Variants in CTSZ observed in about 807,000 individuals in gnomAD.
CTSZ encodes cathepsin Z.
In CTSZ, 39 loss-of-function variants were observed where a neutral mutation model predicts 32.4. That is an observed-to-expected ratio of 1.20 (90% CI 0.93 to 1.57). The LOEUF is 1.57. CTSZ is among the 40% of genes most tolerant of loss of function. The pLI is 0.00. For synonymous variants in CTSZ, 168 were observed against 170.1 expected (o/e 0.99, Z 0.10); for missense variants, 397 against 419.6 (o/e 0.95, Z 0.47).
intron 1 of CTSZ, 103 bp downstream of exon 1, chr20:59,006,883 C>T (rs1012145282): frequency 9.5e-7 from 1 of 1,054,234 alleles, no homozygotes; most frequent in Admixed American, 3.9e-5. Flanking sequence ...TCTGACCTTC[C>T]AAGGCCTGTT....
Position 59,007,247 on chromosome 20 carries a change from C to T in CTSZ, c.-119G>A. The T allele has an allele frequency of 8.3e-7, 1 of 1,205,742 alleles. No individual in the cohort carries two copies. The highest frequency in any genetic ancestry group is 1.0e-6 in the Non-Finnish European group (1 of 960,892). The allele number at this position is 1,205,742 out of a possible 1,614,324, so 74.7% of individuals were successfully genotyped here. On this transcript the variant is annotated 5_prime_UTR_variant, in exon 1 of 6. Transcript: ENST00000217131. ...CCTCGGCCCAGCACCCGGCCGACCC[C>T]GCACTTTGGGCCCCTGCCCCGCCCG... is the stretch of plus-strand genomic sequence containing the variant.
rs913616824 is a variant in CTSZ, at chr20:59,007,196, C to G, written c.-68G>C. The G allele has an allele frequency of 1.2e-5, 16 of 1,283,808 alleles. No homozygotes were observed. In the East Asian group the frequency reaches 5.0e-4, roughly 40 times the overall value. The allele number at this position is 1,283,808 out of a possible 1,614,324, so 79.5% of individuals were successfully genotyped here. A position where few individuals can be genotyped will look rare whatever the true frequency, so the allele number is the denominator to read the frequency against. On this transcript the variant is annotated 5_prime_UTR_variant, in exon 1 of 6. Transcript: ENST00000217131. ...GAGTCCCAGATCCCGCGCCGGCTCC[C>G]GCTCTGGATCCCGCCCCGGCCTCGG...
rs866322559 is a variant in CTSZ at position 59,002,945 on chromosome 20, C to T, written c.308-1301G>A. On this transcript the variant is annotated intron_variant, in intron 2 of 5. Coordinates refer to ENST00000217131, the MANE Select transcript of CTSZ (RefSeq NM_001336.4). The surrounding 1 kb of genome is among the most constrained non-coding windows in gnomAD (Gnocchi z 4.1). ...TTCTCACAACAACAGAGGAAGCCCC[C>T]GGCCCCTCCCACTCACTATCACGGT... Among the ~76,000 whole-genome samples the T allele has an allele frequency of 2.0e-5, 3 of 152,136 alleles. No individual in the cohort carries two copies. Among genetic ancestry groups the T allele is most frequent in the African/African-American group, 7.2e-5 (3 of 41,424 alleles).
Position 59,004,674 on chromosome 20 carries a change from G to C in CTSZ, c.307+1648C>G, listed in dbSNP as rs867461448. On this transcript the variant is annotated intron_variant, in intron 2 of 5. Coordinates refer to ENST00000217131, the MANE Select transcript of CTSZ (RefSeq NM_001336.4). The surrounding 1 kb of genome is among the most constrained non-coding windows in gnomAD (Gnocchi z 5.6). ...AGACAGTTGATCCTGGGGGAGAGGAGGGAAGACAAATGGAGGACCTGCTGC... is the reference window on the plus strand; with the variant it reads ...AGACAGTTGATCCTGGGGGAGAGGACGGAAGACAAATGGAGGACCTGCTGC... Among the ~76,000 whole-genome samples the C allele has an allele frequency of 1.3e-5, 2 of 152,090 alleles. No individual in the cohort carries two copies. The highest frequency in any genetic ancestry group is 1.3e-4 in the Admixed American group (2 of 15,282).
In CTSZ at chr20:58,999,767, T is replaced by G. The variant is rs139546610; in HGVS notation, c.487+1698A>C. ...GGCTGTGAGGGAGATCTGAGTCAGG[T>G]GGCTTAAAACTACCAGTTATGGCCG... On this transcript the variant is annotated intron_variant, in intron 3 of 5. Coordinates refer to ENST00000217131, the MANE Select transcript of CTSZ (RefSeq NM_001336.4). Among the ~76,000 whole-genome samples the G allele has an allele frequency of 4.7e-3, 721 of 152,270 alleles. 4 individuals carry two copies. Among genetic ancestry groups the G allele is most frequent in the Admixed American group, 8.4e-3 (129 of 15,300 alleles).
At position 59,006,361 on chromosome 20, in the gene CTSZ, C is replaced by G. The variant is rs747515854; in HGVS notation, c.268G>C (p.Gly90Arg). ...TRNQHIPQYC[G>R]SCWAHASTSA... ...GTGCTGGCGTGGGCCCAGCAGGAGC[C>G]GCAGTATTGGGGGATGTGCTGGTTC... The change falls in exon 2 of 6, where the codon GGC (glycine) becomes CGC (arginine). Residue 90 changes from glycine (G) to arginine (R), a missense_variant. Transcript: ENST00000217131. The G allele has an allele frequency of 5.6e-5, 91 of 1,613,552 alleles. No individual in the cohort carries two copies. The highest frequency in any genetic ancestry group is 7.4e-5 in the Non-Finnish European group (87 of 1,179,946).
intron 3 of CTSZ, among the ~76,000 whole-genome samples, chr20:59,000,533 C>G (rs1293767228): frequency 6.6e-6 from 1 of 152,208 alleles, no homozygotes; most frequent in African/African-American, 2.4e-5. Context: ...ACAGCACCCC[C>G]TTGGCCGTAG....
At chr20:58,996,499 C>A (rs780359564) in intron 5 of CTSZ, 140 bp downstream of exon 5, 1 of 870,362 alleles carries the variant, frequency 1.1e-6, no homozygotes, top group Non-Finnish European at 1.8e-6. Context: ...GCCACTCGCG[C>A]GGTGGCTGAG....
intron 1 of CTSZ, among the ~76,000 whole-genome samples, chr20:59,006,699 A>G (rs1473994182): frequency 2.0e-5 from 3 of 152,170 alleles, no homozygotes; most frequent in Non-Finnish European, 4.4e-5. Flanking sequence ...CCCCGAAAGG[A>G]GGGAACCGGG....
chr20:58,999,797 C>G (rs1269064598), intron 3 of CTSZ, among the ~76,000 whole-genome samples: 2 of 152,168 alleles, frequency 1.3e-5, no homozygotes, highest in Non-Finnish European at 2.9e-5. Flanking sequence ...TGGCCGGGCA[C>G]GGTGGCTCAC....
At chr20:59,006,855 C>T in intron 1 of CTSZ, 131 bp downstream of exon 1, 3 of 820,484 alleles carry the variant, frequency 3.7e-6, no homozygotes, top group South Asian at 5.4e-5. Context: ...GAGCGACCCC[C>T]AAAACGAAGC....
intron 4 of CTSZ, chr20:58,997,357 T>C: frequency 2.8e-6 from 1 of 357,374 alleles, no homozygotes; most frequent in Non-Finnish European, 5.0e-6. Context: ...AGACTTGCTA[T>C]CAGCTGAGTG....
Position 58,996,760 on chromosome 20 carries a change from C to G in CTSZ, c.680G>C (p.Gly227Ala). The G allele has an allele frequency of 1.9e-6, 3 of 1,614,170 alleles. No homozygotes were observed. The highest frequency in any genetic ancestry group is 2.5e-6 in the Non-Finnish European group (3 of 1,180,040). ...MATERLANYT[G>A]GIYAEYQDTT... ...GTCCTGGTATTCGGCATAGATGCCTCCGGTGTAGTTAGCCAGTCTTTCTGT... is the reference window on the plus strand; with the variant it reads ...GTCCTGGTATTCGGCATAGATGCCTGCGGTGTAGTTAGCCAGTCTTTCTGT... Residue 227 changes from glycine (G) to alanine (A), a missense_variant, in exon 5 of 6, where the codon GGA becomes GCA. Gly to Ala is a moderately conservative substitution (Grantham distance 60). Transcript: ENST00000217131.
rs1249059063 is a variant in CTSZ at position 58,998,555 on chromosome 20, AG to A, written c.488-803del. 2.4e-3 allele frequency among the ~76,000 whole-genome samples: 281 copies of A among 117,406 alleles called. 3 individuals carry two copies. The highest frequency in any genetic ancestry group is 7.8e-3 in the Middle Eastern group (2 of 256). 77.0% of individuals were successfully genotyped at this position (117,406 alleles called of 152,430 possible). A position where few individuals can be genotyped will look rare whatever the true frequency, so the allele number is the denominator to read the frequency against. Reference sequence around the variant, plus strand: ...GAGCGAGACTCCGTCTCAAAAAAAAAGAAAGAAAGAAAGAAAGAAAGGACAG... The same window carrying A: ...GAGCGAGACTCCGTCTCAAAAAAAAAAAAGAAAGAAAGAAAGAAAGGACAG... On this transcript the variant is annotated intron_variant, in intron 3 of 5. Transcript: ENST00000217131.
In CTSZ at chr20:58,995,484, TTCAACTC is replaced by T. The variant is rs1210472646; in HGVS notation, c.*158_*164del. 1.7e-6 allele frequency: 1 copy of T among 599,436 alleles called. No homozygotes were observed. Among genetic ancestry groups the T allele is most frequent in the Non-Finnish European group, 3.0e-6 (1 of 338,772 alleles). The allele number at this position is 599,436 out of a possible 1,614,324, so 37.1% of individuals were successfully genotyped here. ...TGCAAGTGTCATAAGTCATCCCACT[TTCAACTC>T]TCAGGAACACTCGCAGCCAGTGCCA... On this transcript the variant is annotated 3_prime_UTR_variant, in exon 6 of 6. Transcript: ENST00000217131.
intron 4 of CTSZ, 77 bp from the exon 5 acceptor site, chr20:58,996,878 T>C: frequency 6.6e-7 from 1 of 1,517,150 alleles, no homozygotes; most frequent in Non-Finnish European, 9.0e-7. Flanking sequence ...CTGATATGGC[T>C]GGGCGCCGTG....
chr20:59,001,193 C>T (rs528623092), intron 3 of CTSZ, among the ~76,000 whole-genome samples: 4 of 152,344 alleles, frequency 2.6e-5, no homozygotes, highest in East Asian at 1.9e-4. Flanking sequence ...ACAGGGACTA[C>T]GGGGTCCAGT....
chr20:59,005,288 C>T (rs1057179913), intron 2 of CTSZ, among the ~76,000 whole-genome samples: 12 of 152,166 alleles, frequency 7.9e-5, no homozygotes, highest in Admixed American at 7.9e-4. Flanking sequence ...AGAGCAAGAA[C>T]CCCTCATTCA....
rs1000510762 is a variant in CTSZ, at chr20:58,997,326, C to T, written c.638+277G>A. 19 of 314,178 alleles carry T rather than the reference C, an allele frequency of 6.0e-5. No homozygotes were observed. In the South Asian group the frequency reaches 8.3e-4, roughly 14 times the overall value. The allele number at this position is 314,178 out of a possible 1,614,324, so 19.5% of individuals were successfully genotyped here. On this transcript the variant is annotated intron_variant, in intron 4 of 5. Transcript: ENST00000217131. ...AGCTTGGAGCGTCTCATCCGCATTC[C>T]GCACAACCATCCATAGGGGCAGACT...
Sources: allele counts gnomAD v4.1 joint callset (sites outside exome capture counted in the v4.1 genomes callset), GRCh38; gene constraint gnomAD v4.1.1; non-coding constraint Gnocchi (gnomAD v3.1); transcripts MANE v1.5; gene names NCBI Gene and HGNC (gene_info 2026-07-23, HGNC 2026-07-21).